DOCK3: variants seen among roughly 807,000 people sequenced by gnomAD.
DOCK3 encodes the protein dedicator of cytokinesis protein 3.
A neutral mutation model predicts 265.6 loss-of-function variants in DOCK3; 60 were observed. That is an observed-to-expected ratio of 0.23 (90% confidence interval 0.18 to 0.28). The LOEUF is 0.28. Among genes scored for constraint, DOCK3 ranks in the 10% least tolerant of loss-of-function variants. DOCK3 has a pLI of 1.00. For missense variants in DOCK3, 1,981 were observed against 2,594.3 expected, an observed-to-expected ratio of 0.76 and a Z score of 5.14; for synonymous variants, 881 against 938.0, an observed-to-expected ratio of 0.94 and a Z score of 1.11.
chr3:51,189,029 A>G (rs1182073040), intron 12 of DOCK3, among the ~76,000 whole-genome samples: 1 of 152,222 alleles, frequency 6.6e-6, no homozygotes, highest in Non-Finnish European at 1.5e-5. Flanking sequence ...ACTGTTTTCC[A>G]TAGTGGCTGT....
At chr3:51,356,696 A>G (rs924975806) in intron 43 of DOCK3, among the ~76,000 whole-genome samples, 15 of 151,480 alleles carry the variant, frequency 9.9e-5, no homozygotes, top group Non-Finnish European at 1.5e-4. Flanking sequence ...GGTATTTTCA[A>G]CCTCCTACTT....
At chr3:51,226,170 G>A (rs1327181620) in intron 15 of DOCK3, among the ~76,000 whole-genome samples, 2 of 152,192 alleles carry the variant, frequency 1.3e-5, no homozygotes, top group Admixed American at 1.3e-4. Flanking sequence ...GTCAAGTGTG[G>A]AACTTAGACA....
intron 2 of DOCK3, among the ~76,000 whole-genome samples, chr3:50,804,411 G>A (rs1271790223): frequency 1.3e-5 from 2 of 152,134 alleles, no homozygotes; most frequent in African/African-American, 2.4e-5. Context: ...AGGTTGTAGC[G>A]AGCCGAGATC....
intron 5 of DOCK3, among the ~76,000 whole-genome samples, chr3:50,976,136 A>C (rs1372705458): frequency 7.4e-6 from 1 of 135,932 alleles, no homozygotes; most frequent in Non-Finnish European, 1.6e-5. Flanking sequence ...TTGTGTCTCT[A>C]TTTCCTTCAG....
At chr3:50,808,914 A>G (rs1416365118) in intron 2 of DOCK3, among the ~76,000 whole-genome samples, 3 of 152,238 alleles carry the variant, frequency 2.0e-5, no homozygotes, top group East Asian at 3.8e-4. Context: ...ACCGAAAGCA[A>G]TGAATATTGA....
chr3:51,283,555 A>G (rs1372900435), intron 27 of DOCK3, among the ~76,000 whole-genome samples: 1 of 152,188 alleles, frequency 6.6e-6, no homozygotes, highest in Non-Finnish European at 1.5e-5. Context: ...TTCAGTGGAC[A>G]TGTGGCAGTC....
chr3:50,958,979 T>A (rs924694864), intron 5 of DOCK3, among the ~76,000 whole-genome samples: 1 of 152,196 alleles, frequency 6.6e-6, no homozygotes, highest in Admixed American at 6.5e-5. Flanking sequence ...CTTCAGTCAA[T>A]TTACAAAGTA....
At chr3:51,302,309 G>A (rs2082400617) in intron 27 of DOCK3, among the ~76,000 whole-genome samples, 1 of 151,984 alleles carries the variant, frequency 6.6e-6, no homozygotes, top group South Asian at 2.1e-4. Flanking sequence ...TTTATTTTGA[G>A]CCTACGTGTA....
intron 1 of DOCK3, among the ~76,000 whole-genome samples, chr3:50,721,802 A>G (rs532516985): frequency 6.6e-6 from 1 of 152,290 alleles, no homozygotes; most frequent in East Asian, 1.9e-4. Context: ...CATTTTAACA[A>G]TATTGGTTTC....
intron 5 of DOCK3, among the ~76,000 whole-genome samples, chr3:51,062,412 T>C (rs931872524): frequency 6.6e-6 from 1 of 152,188 alleles, no homozygotes; most frequent in African/African-American, 2.4e-5. Flanking sequence ...GCCTGAATAA[T>C]GTCCCCAGTT....
At chr3:50,799,543 T>C (rs957771639) in intron 2 of DOCK3, among the ~76,000 whole-genome samples, 1 of 152,202 alleles carries the variant, frequency 6.6e-6, no homozygotes, top group African/African-American at 2.4e-5. Context: ...ATACTGATTT[T>C]TGTTCATTAA....
intron 49 of DOCK3, among the ~76,000 whole-genome samples, chr3:51,372,905 T>C (rs1020777016): frequency 6.6e-6 from 1 of 152,200 alleles, no homozygotes; most frequent in Non-Finnish European, 1.5e-5. Flanking sequence ...AAAGAGAACA[T>C]AGAAACCAGT....
chr3:51,383,731 G>A lies in DOCK3; in HGVS notation c.*2172G>A, dbSNP rs1159012161. The stretch of plus-strand genomic sequence containing the variant: ...CAGTCTGAGGGGAAATGGGAGGCCA[G>A]AGATGAGAACCCTTTGAAAAGATTG... On this transcript the variant is annotated 3_prime_UTR_variant, in exon 53 of 53. Transcript: ENST00000266037. 6.6e-6 allele frequency: 1 copy of A among 152,574 alleles called. No individual in the cohort carries two copies. The highest frequency in any genetic ancestry group is 1.5e-5 in the Non-Finnish European group (1 of 68,048). The allele number at this position is 152,574 out of a possible 1,614,324, so 9.5% of individuals were successfully genotyped here.
At chr3:51,051,992 C>T (rs1008800776) in intron 5 of DOCK3, among the ~76,000 whole-genome samples, 2 of 152,114 alleles carry the variant, frequency 1.3e-5, no homozygotes, top group African/African-American at 4.8e-5. Context: ...TCACACTAGT[C>T]CTCACCTCCA....
intron 24 of DOCK3, among the ~76,000 whole-genome samples, chr3:51,274,148 A>C (rs188298146): frequency 5.9e-5 from 9 of 152,340 alleles, no homozygotes; most frequent in Non-Finnish European, 4.4e-5. Flanking sequence ...AATCATTTGA[A>C]GTGTTCAGTA....
chr3:50,704,930 C>T (rs1196503034), intron 1 of DOCK3, among the ~76,000 whole-genome samples: 1 of 151,784 alleles, frequency 6.6e-6, no homozygotes, highest in Non-Finnish European at 1.5e-5. Context: ...CGCCCGGCCT[C>T]TATATCTTTT....
At chr3:51,031,414 A>C (rs888620455) in intron 5 of DOCK3, among the ~76,000 whole-genome samples, 2 of 152,206 alleles carry the variant, frequency 1.3e-5, no homozygotes, top group African/African-American at 4.8e-5. Flanking sequence ...CTTATGTTTT[A>C]ATCCACCAGC....
intron 9 of DOCK3, among the ~76,000 whole-genome samples, chr3:51,109,029 A>T (rs1013313424): frequency 1.3e-5 from 2 of 151,562 alleles, no homozygotes; most frequent in Admixed American, 1.3e-4. Context: ...GACCAAATGG[A>T]TGTGATAGAC....
chr3:50,920,864 C>T (rs1337735659), intron 4 of DOCK3, among the ~76,000 whole-genome samples: 1 of 152,090 alleles, frequency 6.6e-6, no homozygotes, highest in South Asian at 2.1e-4. Flanking sequence ...TAGATCTTTC[C>T]TGCTTTCTCT....
Sources: allele counts gnomAD v4.1 joint callset (sites outside exome capture counted in the v4.1 genomes callset), GRCh38; gene constraint gnomAD v4.1.1; transcripts MANE v1.5; gene names NCBI Gene and HGNC (gene_info 2026-07-23, HGNC 2026-07-21).